The following ARHGAP6 variants were observed in gnomAD, a reference collection of about 807,000 sequenced individuals.
ARHGAP6 encodes Rho GTPase activating protein 6.
ARHGAP6 carries 16 observed loss-of-function variants against 55.7 expected under a neutral mutation model. The observed-to-expected ratio is 0.29, with a 90% CI of 0.19 to 0.44. The LOEUF (loss-of-function observed/expected upper bound fraction) is 0.44, where lower values mean the gene tolerates loss of function less well. Ranked by LOEUF, ARHGAP6 falls within the 20% of genes least tolerant of loss-of-function variation. The probability of loss-of-function intolerance (pLI) is 1.00; values close to 1 mark genes in which losing one functional copy is unlikely to be tolerated. For missense variants in ARHGAP6, 698 were observed against 808.9 expected (o/e 0.86, Z 1.66); for synonymous variants, 382 against 360.9 (o/e 1.06, Z -0.66).
Position 11,179,462 on chromosome X carries a change from C to A in ARHGAP6, c.1330-10G>T. The A allele has an allele frequency of 8.3e-7, 1 of 1,204,359 alleles. No individual in the cohort carries two copies. The highest frequency in any genetic ancestry group is 1.1e-6 in the Non-Finnish European group (1 of 892,532). On this transcript the variant is annotated splice_polypyrimidine_tract_variant and intron_variant, in intron 6 of 12. Coordinates refer to ENST00000337414, the MANE Select transcript of ARHGAP6 (RefSeq NM_013427.3). ...CAAATTCCTCACGTAACTGGAAGAA[C>A]AATGGTTCGAGTGGCAGTCACATAA...
intron 1 of ARHGAP6, among the ~76,000 whole-genome samples, chrX:11,269,865 C>A (rs1435764817): frequency 8.9e-6 from 1 of 111,856 alleles, no homozygotes; most frequent in Non-Finnish European, 1.9e-5. Flanking sequence ...TGCTAGCGTC[C>A]TTCTGATGCT....
chrX:11,484,096 G>A (rs1004949075), intron 1 of ARHGAP6, among the ~76,000 whole-genome samples: 6 of 111,684 alleles, frequency 5.4e-5, no homozygotes, highest in Non-Finnish European at 1.1e-4. Flanking sequence ...AGAGAATAAG[G>A]TATTCCAGGC....
At chrX:11,553,243 A>T (rs1284018874) in intron 1 of ARHGAP6, among the ~76,000 whole-genome samples, 13 of 98,351 alleles carry the variant, frequency 1.3e-4, no homozygotes, top group African/African-American at 3.7e-4. Context: ...TGCTTAGAAC[A>T]TTTTTTTTTT....
At chrX:11,156,735 A>T (rs2045869543) in intron 9 of ARHGAP6, 109 bp from the exon 10 acceptor site, 1 of 574,717 alleles carries the variant, frequency 1.7e-6, no homozygotes. Flanking sequence ...AAGCTGCAAG[A>T]CAGCAGAATG....
chrX:11,590,131 C>G (rs1188143419), intron 1 of ARHGAP6, among the ~76,000 whole-genome samples: 1 of 111,365 alleles, frequency 9.0e-6, no homozygotes, highest in Non-Finnish European at 1.9e-5. Flanking sequence ...GAATCGGAAT[C>G]TGATATCTTA....
chrX:11,264,363 C>T (rs1239614765), intron 1 of ARHGAP6, among the ~76,000 whole-genome samples: 2 of 112,016 alleles, frequency 1.8e-5, no homozygotes, highest in Non-Finnish European at 3.8e-5. Flanking sequence ...CATTGTCAAA[C>T]CCAGGGCTGG....
chrX:11,658,799 A>T (rs1044983564), intron 1 of ARHGAP6, among the ~76,000 whole-genome samples: 5 of 108,069 alleles, frequency 4.6e-5, no homozygotes, highest in African/African-American at 1.4e-4. Context: ...AGTTTCTTGT[A>T]TACAGGGCGT....
At chrX:11,509,913 G>A (rs1033405768) in intron 1 of ARHGAP6, among the ~76,000 whole-genome samples, 2 of 111,770 alleles carry the variant, frequency 1.8e-5, no homozygotes, top group Non-Finnish European at 3.8e-5. Context: ...CCACTTCCAG[G>A]AATAACTCCT....
rs1178160470 is a variant in ARHGAP6 at position 11,276,629 on chromosome X, G to C, written c.589-21922C>G. ...GAAGTATGACACCAAATGCAGGTAT[G>C]ACGTGAAAACAAGCCATCTGCACTT... On this transcript the variant is annotated intron_variant, in intron 1 of 12. Transcript: ENST00000337414. Among the ~76,000 whole-genome samples the C allele has an allele frequency of 4.5e-5, 5 of 111,606 alleles. No homozygotes were observed. In the East Asian group the frequency reaches 1.4e-3, roughly 31 times the overall value.
At chrX:11,477,954 T>C (rs1454254163) in intron 1 of ARHGAP6, among the ~76,000 whole-genome samples, 1 of 112,005 alleles carries the variant, frequency 8.9e-6, no homozygotes, top group African/African-American at 3.2e-5. Context: ...TTAGTCAACC[T>C]ACACACTTAA....
At chrX:11,502,015 T>A (rs1212286020) in intron 1 of ARHGAP6, among the ~76,000 whole-genome samples, 1 of 112,246 alleles carries the variant, frequency 8.9e-6, no homozygotes, top group Admixed American at 9.4e-5. Flanking sequence ...GCAATTTCAT[T>A]TCCAGGTATA....
intron 1 of ARHGAP6, among the ~76,000 whole-genome samples, chrX:11,522,613 T>C (rs1169327320): frequency 1.8e-5 from 2 of 111,598 alleles, no homozygotes; most frequent in East Asian, 5.6e-4. Flanking sequence ...AACACCTCTA[T>C]GCAAATAAAC....
intron 3 of ARHGAP6, among the ~76,000 whole-genome samples, chrX:11,195,659 G>A (rs1295365255): frequency 6.3e-5 from 7 of 110,384 alleles, no homozygotes; most frequent in Non-Finnish European, 9.4e-5. Context: ...GAGCCTACTT[G>A]AGGGTGGAGG....
intron 2 of ARHGAP6, among the ~76,000 whole-genome samples, chrX:11,237,720 G>A (rs187135200): frequency 3.6e-5 from 4 of 111,950 alleles, no homozygotes; most frequent in Non-Finnish European, 7.5e-5. Flanking sequence ...ATTGACTCTC[G>A]GAGAAAGCAA....
chrX:11,244,832 T>C (rs2047331967), intron 2 of ARHGAP6, among the ~76,000 whole-genome samples: 1 of 112,019 alleles, frequency 8.9e-6, no homozygotes. Flanking sequence ...CATACGAATA[T>C]GTATAAATAT....
rs191655257 is a variant in ARHGAP6 at position 11,459,627 on chromosome X, G to A, written c.588+204614C>T. Among the ~76,000 whole-genome samples the A allele has an allele frequency of 3.2e-4, 36 of 112,002 alleles. No homozygotes were observed. The East Asian group carries it at 8.7e-3, about 27-fold the overall frequency. Reference sequence around the variant, plus strand: ...TTCATCCATTTGTACACTTGAAATGGATGCAGTTTATTAAACTATTGCTCA... The same window carrying A: ...TTCATCCATTTGTACACTTGAAATGAATGCAGTTTATTAAACTATTGCTCA... On this transcript the variant is annotated intron_variant, in intron 1 of 12. Transcript: ENST00000337414.
At chrX:11,168,259 G>A (rs1341127801) in intron 9 of ARHGAP6, among the ~76,000 whole-genome samples, 1 of 112,430 alleles carries the variant, frequency 8.9e-6, no homozygotes, top group Non-Finnish European at 1.9e-5. Context: ...TTGTGTTAAA[G>A]TACTGACTTT....
At chrX:11,425,332 G>A (rs935577057) in intron 1 of ARHGAP6, among the ~76,000 whole-genome samples, 8 of 111,942 alleles carry the variant, frequency 7.1e-5, no homozygotes, top group Admixed American at 9.4e-5. Context: ...ACAAGCTCTG[G>A]AATTATCAAA....
At chrX:11,217,981 G>A (rs765182879) in intron 2 of ARHGAP6, among the ~76,000 whole-genome samples, 173 of 111,686 alleles carry the variant, frequency 1.5e-3, no homozygotes, top group Non-Finnish European at 2.8e-3. Context: ...TCTTTTCCCC[G>A]TTGCTTGTTT....
Sources: allele counts gnomAD v4.1 joint callset (sites outside exome capture counted in the v4.1 genomes callset), GRCh38; gene constraint gnomAD v4.1.1; transcripts MANE v1.5; gene names NCBI Gene and HGNC (gene_info 2026-07-23, HGNC 2026-07-21).